Variants in UFM1 observed in about 807,000 individuals in gnomAD.
The protein encoded by UFM1 is ubiquitin-fold modifier 1.
A neutral mutation model predicts 15.4 loss-of-function variants in UFM1; 9 were observed. The observed-to-expected ratio is 0.59, with a 90% CI of 0.35 to 1.02. UFM1 has a LOEUF of 1.02. UFM1 is among the 50% of genes least tolerant of loss of function. The pLI, the probability that UFM1 is intolerant of heterozygous loss-of-function variation, is 0.02. For synonymous variants in UFM1, 27 were observed against 36.3 expected, an observed-to-expected ratio of 0.74 and a Z score of 0.92; for missense variants, 98 against 104.7, an observed-to-expected ratio of 0.94 and a Z score of 0.28.
intron 5 of UFM1, 66 bp from the exon 6 acceptor site, chr13:38,360,645 A>T (rs901594833): frequency 4.2e-6 from 5 of 1,200,828 alleles, no homozygotes; most frequent in African/African-American, 1.5e-5. Flanking sequence ...ATATTTAATA[A>T]TTGTCAGAAT....
At position 38,350,371 on chromosome 13, in the gene UFM1, T is replaced by A. The variant is rs548239028; in HGVS notation, c.59+316T>A. ...GACAGGTGGACCAGGTTCTGGTAAT[T>A]TGTTGGGATTCTTAAACAGTCCCCA... On this transcript the variant is annotated intron_variant, in intron 2 of 5. Transcript: ENST00000239878. 6.6e-5 allele frequency: 59 copies of A among 890,008 alleles called. 1 individual carries two copies. In the South Asian group the frequency reaches 8.8e-4, roughly 13 times the overall value. The allele number at this position is 890,008 out of a possible 1,614,324, so 55.1% of individuals were successfully genotyped here. A position where few individuals can be genotyped will look rare whatever the true frequency, so the allele number is the denominator to read the frequency against.
chr13:38,356,431 A>G (rs1039226481), intron 3 of UFM1, among the ~76,000 whole-genome samples: 5 of 151,986 alleles, frequency 3.3e-5, no homozygotes, highest in Admixed American at 1.3e-4. Context: ...ACTTAAGTAC[A>G]CTTTGAAATT....
chr13:38,354,281 GT>G lies in UFM1; in HGVS notation c.105del (p.Phe35LeufsTer21). 1 of 1,610,694 alleles carries G rather than the reference GT, an allele frequency of 6.2e-7. No individual in the cohort carries two copies. The highest frequency in any genetic ancestry group is 1.7e-5 in the Admixed American group (1 of 59,880). On this transcript the variant is annotated frameshift_variant, in exon 3 of 6. Transcript: ENST00000239878. LOFTEE classifies it high-confidence loss of function. ...ESTPFTAVLK[F>X]AAEEFKVPAA... is the part of the protein sequence containing the mutation. ...GTACACCTTTCACAGCAGTCTTAAA[GT>G]TTGCAGCAGAAGAAGTAAGTACAGA...
chr13:38,355,552 T>G (rs1383186777), intron 3 of UFM1, among the ~76,000 whole-genome samples: 1 of 151,930 alleles, frequency 6.6e-6, no homozygotes, highest in African/African-American at 2.4e-5. Flanking sequence ...GCAAAGGCAT[T>G]TTTTGTGATC....
intron 3 of UFM1, chr13:38,354,562 AG>A (rs1879010437): frequency 6.2e-6 from 2 of 323,104 alleles, no homozygotes; most frequent in Non-Finnish European, 1.1e-5. Context: ...AAAACTAAAA[AG>A]GTGCTGATTT....
chr13:38,360,633 T>C (rs1879326527), intron 5 of UFM1, 78 bp from the exon 6 acceptor site: 4 of 1,102,732 alleles, frequency 3.6e-6, no homozygotes, highest in Non-Finnish European at 5.2e-6. Context: ...AAATCATTTA[T>C]TATATTTAAT....
chr13:38,359,118 G>T (rs1273600416), intron 4 of UFM1, among the ~76,000 whole-genome samples, 183 bp from the exon 5 acceptor site: 1 of 152,040 alleles, frequency 6.6e-6, no homozygotes, highest in African/African-American at 2.4e-5. Context: ...TATGAATGCA[G>T]AATAATAGTA....
chr13:38,363,178 C>T lies in UFM1; in HGVS notation c.*2400C>T, dbSNP rs998410585. The T allele has an allele frequency of 6.6e-6, 1 of 152,126 alleles. No individual in the cohort carries two copies. Among genetic ancestry groups the T allele is most frequent in the South Asian group, 2.1e-4 (1 of 4,828 alleles). The allele number at this position is 152,126 out of a possible 1,614,324, so 9.4% of individuals were successfully genotyped here. ...AGTGATGTTTCGTCCAACAACAGACCGCATATATGACCGTGGTCCCATATT... is the reference window on the plus strand; with the variant it reads ...AGTGATGTTTCGTCCAACAACAGACTGCATATATGACCGTGGTCCCATATT... On this transcript the variant is annotated 3_prime_UTR_variant, in exon 6 of 6. Coordinates refer to ENST00000239878, the MANE Select transcript of UFM1 (RefSeq NM_016617.4).
chr13:38,360,090 G>A (rs1414544773), intron 5 of UFM1: 4 of 380,864 alleles, frequency 1.1e-5, no homozygotes, highest in East Asian at 8.5e-5. Flanking sequence ...ATTTAAAATT[G>A]CAAATTTTTG....
chr13:38,353,181 TC>T (rs1878938344), intron 2 of UFM1, among the ~76,000 whole-genome samples: 1 of 152,122 alleles, frequency 6.6e-6, no homozygotes, highest in East Asian at 1.9e-4. Flanking sequence ...CATATGCTGT[TC>T]CTGTTATAAT....
At chr13:38,350,113 G>T (rs1230268364) in intron 2 of UFM1, 58 bp downstream of exon 2, 13 of 1,614,074 alleles carry the variant, frequency 8.1e-6, no homozygotes, top group Non-Finnish European at 1.1e-5. Context: ...GCTGGGTTGG[G>T]GATGATCCGA....
chr13:38,354,580 G>C, intron 3 of UFM1: 2 of 282,474 alleles, frequency 7.1e-6, no homozygotes, highest in Non-Finnish European at 1.3e-5. Context: ...ATTTTTAAAT[G>C]TTTTTTAAAA....
At chr13:38,351,411 CT>C (rs11363787) in intron 2 of UFM1, among the ~76,000 whole-genome samples, 4,355 of 152,314 alleles carry the variant, frequency 0.029, 236 homozygotes, top group African/African-American at 0.1. Flanking sequence ...AAATTTCAAA[CT>C]TTCCACAGCT....
At chr13:38,359,454 G>A in intron 5 of UFM1, 121 bp downstream of exon 5, 2 of 1,048,830 alleles carry the variant, frequency 1.9e-6, no homozygotes, top group Non-Finnish European at 2.9e-6. Flanking sequence ...GTTTTTTAGG[G>A]ATTATATACC....
In UFM1 at chr13:38,354,251, T is replaced by C. The variant is rs1161773024; in HGVS notation, c.72T>C (p.Pro24=). The C allele has an allele frequency of 3.7e-6, 6 of 1,609,484 alleles. No individual in the cohort carries two copies. Among genetic ancestry groups the C allele is most frequent in the Admixed American group, 1.7e-5 (1 of 59,788 alleles). The change falls in exon 3 of 6, where the codon CCT becomes CCC. Residue 24 remains proline (P), a synonymous_variant. Transcript: ENST00000239878. ...ATTCTTCTTGCAGACTCAGTGTTCCTGAAAGTACACCTTTCACAGCAGTCT... is the reference window on the plus strand; with the variant it reads ...ATTCTTCTTGCAGACTCAGTGTTCCCGAAAGTACACCTTTCACAGCAGTCT... ...PRLPYKVLSV[P]ESTPFTAVLK...
At chr13:38,358,236 AT>A in intron 4 of UFM1, 104 bp downstream of exon 4, 1 of 607,016 alleles carries the variant, frequency 1.6e-6, no homozygotes, top group African/African-American at 2.0e-5. Context: ...AAGTATATGT[AT>A]ATCAACATAA....
rs908852413 is a variant in UFM1 at position 38,361,030 on chromosome 13, G to A, written c.*252G>A. Reference sequence around the variant, plus strand: ...ACCTCACAACACAAACAGGTAGTTCGTTGGGGGCAAATGAATTAGCCAACT... The same window carrying A: ...ACCTCACAACACAAACAGGTAGTTCATTGGGGGCAAATGAATTAGCCAACT... On this transcript the variant is annotated 3_prime_UTR_variant, in exon 6 of 6. Coordinates refer to ENST00000239878, the MANE Select transcript of UFM1 (RefSeq NM_016617.4). 3.4e-5 allele frequency: 11 copies of A among 319,098 alleles called. No individual in the cohort carries two copies. Among genetic ancestry groups the A allele is most frequent in the Non-Finnish European group, 6.3e-5 (11 of 175,510 alleles). 19.8% of individuals were successfully genotyped at this position (319,098 alleles called of 1,614,324 possible). A position where few individuals can be genotyped will look rare whatever the true frequency, so the allele number is the denominator to read the frequency against.
At chr13:38,359,455 A>AT (rs1879275920) in intron 5 of UFM1, 122 bp downstream of exon 5, 1 of 1,022,426 alleles carries the variant, frequency 9.8e-7, no homozygotes. Context: ...TTTTTTAGGG[A>AT]TTATATACCA....
intron 4 of UFM1, among the ~76,000 whole-genome samples, chr13:38,358,544 G>A (rs2485785): frequency 6.6e-6 from 1 of 151,764 alleles, no homozygotes; most frequent in African/African-American, 2.4e-5. Flanking sequence ...ATTTTATTCC[G>A]TTTTAGGTAT....
Sources: allele counts gnomAD v4.1 joint callset (sites outside exome capture counted in the v4.1 genomes callset), GRCh38; gene constraint gnomAD v4.1.1; transcripts MANE v1.5; gene names NCBI Gene and HGNC (gene_info 2026-07-23, HGNC 2026-07-21).